Variants in SEC14L5 observed in about 807,000 individuals in gnomAD.
The protein encoded by SEC14L5 is SEC14 like lipid binding 5.
A neutral mutation model predicts 84.6 loss-of-function variants in SEC14L5; 96 were observed. The ratio of observed to expected loss-of-function variants is 1.13; its 90% CI spans 0.96 to 1.34. The LOEUF is 1.34. SEC14L5 is among the 40% of genes most tolerant of loss of function. SEC14L5 has a pLI of 0.00. For synonymous variants in SEC14L5, 546 were observed against 383.4 expected (o/e 1.42, Z -4.95); for missense variants, 1,224 against 942.5 (o/e 1.30, Z -3.91).
intron 2 of SEC14L5, among the ~76,000 whole-genome samples, chr16:4,962,938 T>C (rs1024657269): frequency 5.6e-4 from 85 of 152,346 alleles, no homozygotes; most frequent in African/African-American, 2.0e-3. Context: ...AGGGGTTTTC[T>C]ATGCTTAATG....
intron 2 of SEC14L5, among the ~76,000 whole-genome samples, chr16:4,973,624 TGA>T (rs1284627089): frequency 6.6e-6 from 1 of 151,600 alleles, no homozygotes; most frequent in Non-Finnish European, 1.5e-5. Flanking sequence ...TTGTGCTGAG[TGA>T]GAGAGGTCAG....
At chr16:4,987,282 C>T (rs1301390222) in intron 2 of SEC14L5, among the ~76,000 whole-genome samples, 1 of 151,378 alleles carries the variant, frequency 6.6e-6, no homozygotes, top group Non-Finnish European at 1.5e-5. Flanking sequence ...TTAAAATGTC[C>T]CCAGAGTCCC....
At chr16:4,994,708 C>T (rs543547446) in intron 6 of SEC14L5, among the ~76,000 whole-genome samples, 4 of 151,630 alleles carry the variant, frequency 2.6e-5, no homozygotes, top group South Asian at 2.1e-4. Flanking sequence ...TAACAGCGCC[C>T]GCTCCTGCCC....
At chr16:4,988,827 G>C (rs1486069921) in intron 4 of SEC14L5, among the ~76,000 whole-genome samples, 1 of 152,258 alleles carries the variant, frequency 6.6e-6, no homozygotes, top group Admixed American at 6.5e-5. Flanking sequence ...CAGGCACCCT[G>C]CCAAGTGATG....
At chr16:5,000,790 T>C (rs1439677374) in intron 9 of SEC14L5, 47 bp downstream of exon 9, 1 of 1,561,176 alleles carries the variant, frequency 6.4e-7, no homozygotes, top group African/African-American at 1.4e-5. Context: ...GGGCCGGGCC[T>C]GGGAAGGACT....
At chr16:4,961,231 C>T (rs1955117224) in intron 2 of SEC14L5, among the ~76,000 whole-genome samples, 1 of 152,228 alleles carries the variant, frequency 6.6e-6, no homozygotes, top group Non-Finnish European at 1.5e-5. Flanking sequence ...CGAGATTGCG[C>T]CGCAACACTC....
intron 6 of SEC14L5, among the ~76,000 whole-genome samples, chr16:4,995,034 A>G (rs529682611): frequency 4.6e-5 from 7 of 152,180 alleles, no homozygotes; most frequent in African/African-American, 1.7e-4. Context: ...GGTCTGGACA[A>G]TTCGCCCTCT....
In SEC14L5 at chr16:5,018,589, G is replaced by C. The variant is rs1955899491; in HGVS notation, c.*3619G>C. 1 of 152,136 alleles carries C rather than the reference G, an allele frequency of 6.6e-6. No individual in the cohort carries two copies. The highest frequency in any genetic ancestry group is 1.5e-5 in the Non-Finnish European group (1 of 68,042). 9.4% of individuals were successfully genotyped at this position (152,136 alleles called of 1,614,324 possible). On this transcript the variant is annotated 3_prime_UTR_variant, in exon 16 of 16. Transcript: ENST00000251170. ...GGCTGAGGCAGAAGGATTGCTTGGA[G>C]GTCAAGGCTGGAGTGAGCCATGATC...
At chr16:4,993,276 G>A (rs1218855795) in intron 6 of SEC14L5, among the ~76,000 whole-genome samples, 2 of 152,022 alleles carry the variant, frequency 1.3e-5, no homozygotes, top group Non-Finnish European at 2.9e-5. Context: ...GAGTCTCACT[G>A]TGTCACCCAG....
rs371680067 is a variant in SEC14L5, at chr16:4,989,828, G to A, written c.346-939G>A. Among the ~76,000 whole-genome samples, 5 of 152,152 alleles carry A rather than the reference G, an allele frequency of 3.3e-5. No individual in the cohort carries two copies. In the South Asian group the frequency reaches 8.3e-4, roughly 25 times the overall value. ...GTCAGCAGCACCTGGGGCTGCTTGC[G>A]AAATGCAGATTCCTGGGCCCCAACC... is the stretch of plus-strand genomic sequence containing the variant. On this transcript the variant is annotated intron_variant, in intron 4 of 15. Transcript: ENST00000251170.
chr16:4,959,996 C>G (rs547373085), intron 2 of SEC14L5, among the ~76,000 whole-genome samples: 23 of 152,258 alleles, frequency 1.5e-4, no homozygotes, highest in Non-Finnish European at 2.9e-4. Flanking sequence ...GAAGCTGACA[C>G]TGGGACGAGA....
At chr16:4,976,263 A>AT (rs1332576746) in intron 2 of SEC14L5, among the ~76,000 whole-genome samples, 4 of 151,938 alleles carry the variant, frequency 2.6e-5, no homozygotes, top group Non-Finnish European at 5.9e-5. Flanking sequence ...GAGCTTGATG[A>AT]TTTTTTCACA....
At chr16:4,997,851 C>G (rs1168359154) in intron 8 of SEC14L5, among the ~76,000 whole-genome samples, 1 of 152,084 alleles carries the variant, frequency 6.6e-6, no homozygotes, top group Non-Finnish European at 1.5e-5. Flanking sequence ...CTGCCTCTCT[C>G]TTCACATGGC....
Position 5,008,646 on chromosome 16 carries a change from C to A in SEC14L5, c.1798C>A (p.Gln600Lys), listed in dbSNP as rs1451703038. ...TGTCTGCCGGGAGGGGGAGAGCATC[C>A]AGGTTTGCATTTTCTGGACCACTCA... is the stretch of plus-strand genomic sequence containing the variant. The part of the protein sequence containing the change: ...PLVCREGESI[Q>K]GSHVTRWPGV... The change falls in exon 14 of 16, where the codon CAG becomes AAG. Residue 600 changes from glutamine (Q) to lysine (K), a missense_variant and splice_region_variant. Gln to Lys is a moderately conservative substitution (Grantham distance 53). Coordinates refer to ENST00000251170, the MANE Select transcript of SEC14L5 (RefSeq NM_014692.2). 1 of 1,607,672 alleles carries A rather than the reference C, an allele frequency of 6.2e-7. No homozygotes were observed. Among genetic ancestry groups the A allele is most frequent in the African/African-American group, 1.3e-5 (1 of 74,428 alleles).
chr16:4,977,805 TTTA>T (rs1416872869), intron 2 of SEC14L5, among the ~76,000 whole-genome samples: 2 of 151,830 alleles, frequency 1.3e-5, no homozygotes, highest in East Asian at 3.9e-4. Flanking sequence ...TATTTATTTA[TTTA>T]TTATTATTAT....
chr16:4,987,340 T>A (rs976562584), intron 2 of SEC14L5, among the ~76,000 whole-genome samples: 1 of 152,222 alleles, frequency 6.6e-6, no homozygotes, highest in South Asian at 2.1e-4. Flanking sequence ...GCAAAACTTA[T>A]GTGCCAAATC....
At position 4,988,126 on chromosome 16, in the gene SEC14L5, C is replaced by T. The variant is rs112744073; in HGVS notation, c.214-23C>T. 2.6e-4 allele frequency: 418 copies of T among 1,612,416 alleles called. 2 individuals are homozygous for T. Among genetic ancestry groups the T allele is most frequent in the Middle Eastern group, 1.7e-3 (10 of 6,038 alleles). ...GCTCCACGCCGCCCACCCACCTCCG[C>T]CTCCCCGCCCCTTCCCTTGCAGATC... is the stretch of plus-strand genomic sequence containing the variant. On this transcript the variant is annotated intron_variant, in intron 3 of 15. Coordinates refer to ENST00000251170, the MANE Select transcript of SEC14L5 (RefSeq NM_014692.2).
chr16:5,003,447 C>T lies in SEC14L5; in HGVS notation c.1176C>T (p.His392=), dbSNP rs1050666792. 1.3e-5 allele frequency: 21 copies of T among 1,613,256 alleles called. No individual in the cohort carries two copies. Among genetic ancestry groups the T allele is most frequent in the Non-Finnish European group, 1.4e-5 (17 of 1,179,692 alleles). Reference sequence around the variant, plus strand: ...ACCTGGAGGGACTCAACATGCGGCACCTGTGGCGGCCGGGGGTGAAGGCCC... The same window carrying T: ...ACCTGGAGGGACTCAACATGCGGCATCTGTGGCGGCCGGGGGTGAAGGCCC... ...LLDLEGLNMR[H]LWRPGVKALL... is the part of the protein sequence containing the mutation. The change falls in exon 11 of 16, where the codon CAC becomes CAT. Residue 392 remains histidine, a synonymous_variant. Coordinates refer to ENST00000251170, the MANE Select transcript of SEC14L5 (RefSeq NM_014692.2).
chr16:4,983,669 G>T (rs1955453212), intron 2 of SEC14L5, among the ~76,000 whole-genome samples: 1 of 151,664 alleles, frequency 6.6e-6, no homozygotes, highest in Non-Finnish European at 1.5e-5. Flanking sequence ...CCGAAGTCAG[G>T]AGTTCAAGAC....
Sources: gnomAD v4.1 joint callset for allele counts (sites outside exome capture counted in the v4.1 genomes callset) on GRCh38, gnomAD v4.1.1 for gene constraint, MANE v1.5 for transcripts, NCBI Gene and HGNC (gene_info 2026-07-23, HGNC 2026-07-21) for gene names.